Variants in CAST observed in about 807,000 individuals in gnomAD.
CAST encodes calpastatin.
A neutral mutation model predicts 119.6 loss-of-function variants in CAST; 76 were observed. That is an observed-to-expected ratio of 0.64 (90% CI 0.53 to 0.77). CAST has a LOEUF of 0.77. Ranked by LOEUF, CAST falls within the 30% of genes least tolerant of loss-of-function variation. The pLI is 0.00. For synonymous variants in CAST, 319 were observed against 331.6 expected (o/e 0.96, Z 0.41); for missense variants, 953 against 946.5 (o/e 1.01, Z -0.09).
chr5:96,640,640 T>C (rs1747938473), intron 1 of CAST, among the ~76,000 whole-genome samples: 1 of 152,192 alleles, frequency 6.6e-6, no homozygotes. Context: ...GGAGCTGAGC[T>C]GGGATGCAGA....
chr5:96,069,371 G>GTGTGTCTA, the CAST span, among the ~76,000 whole-genome samples: 1 of 111,660 alleles, frequency 9.0e-6, no homozygotes, highest in African/African-American at 3.3e-5. Context: ...GTGTGTGTGT[G>GTGTGTCTA]TGTGTGTGTG....
At chr5:95,979,671 C>G in the CAST span, among the ~76,000 whole-genome samples, 4 of 152,088 alleles carry the variant, frequency 2.6e-5, no homozygotes. Flanking sequence ...TCAATGAGTA[C>G]TTATTGTATG....
the CAST span, among the ~76,000 whole-genome samples, chr5:96,352,519 G>T: frequency 8.5e-5 from 13 of 152,162 alleles, no homozygotes; most frequent in Non-Finnish European, 1.5e-4. Flanking sequence ...GATTCAGTGT[G>T]ATAGGAGATC....
chr5:96,331,995 A>G, the CAST span, among the ~76,000 whole-genome samples: 1 of 152,228 alleles, frequency 6.6e-6, no homozygotes, highest in Non-Finnish European at 1.5e-5. Flanking sequence ...TGCTTCTTCT[A>G]TAAGAGAACT....
the CAST span, among the ~76,000 whole-genome samples, chr5:96,178,330 C>G: frequency 3.9e-5 from 6 of 152,242 alleles, no homozygotes; most frequent in South Asian, 1.0e-3. Context: ...TAACTCTGTT[C>G]TTGGCAGACA....
chr5:96,033,719 A>T, the CAST span, among the ~76,000 whole-genome samples: 1 of 152,158 alleles, frequency 6.6e-6, no homozygotes, highest in African/African-American at 2.4e-5. Flanking sequence ...GAGTTGAAAA[A>T]GCTCCATGAC....
At chr5:96,327,844 A>G in the CAST span, among the ~76,000 whole-genome samples, 1 of 152,002 alleles carries the variant, frequency 6.6e-6, no homozygotes, top group South Asian at 2.1e-4. Context: ...TGAGGATAAC[A>G]CTCACTCTGT....
the CAST span, among the ~76,000 whole-genome samples, chr5:96,182,486 C>T: frequency 1.3e-5 from 2 of 152,188 alleles, no homozygotes; most frequent in African/African-American, 4.8e-5. Context: ...TGTAAAGAAA[C>T]ACCTTTAATC....
At chr5:96,247,112 A>G in the CAST span, among the ~76,000 whole-genome samples, 1 of 152,184 alleles carries the variant, frequency 6.6e-6, no homozygotes, top group African/African-American at 2.4e-5. Flanking sequence ...GTGTGGTGCC[A>G]TAAGCTCTGT....
At chr5:96,425,737 A>AG in the CAST span, 18 of 787,248 alleles carry the variant, frequency 2.3e-5, no homozygotes, top group Non-Finnish European at 3.6e-5. Flanking sequence ...ATAAAAAAAA[A>AG]AAAAAATCCA....
At chr5:96,101,820 G>A in the CAST span, among the ~76,000 whole-genome samples, 2 of 152,150 alleles carry the variant, frequency 1.3e-5, no homozygotes, top group African/African-American at 2.4e-5. Flanking sequence ...GAGTGTGTAA[G>A]CGAGTGAATG....
chr5:96,608,689 G>C (rs552864772), intron 1 of CAST, among the ~76,000 whole-genome samples: 21 of 152,222 alleles, frequency 1.4e-4, no homozygotes, highest in African/African-American at 5.1e-4. Flanking sequence ...CTGAGACTGG[G>C]TAATTAATAA....
intron 1 of CAST, among the ~76,000 whole-genome samples, chr5:96,604,058 C>A (rs1446471336): frequency 1.3e-5 from 2 of 152,182 alleles, no homozygotes; most frequent in Admixed American, 6.5e-5. Context: ...AGCCACCCCA[C>A]CTGGCCCCTT....
At chr5:96,021,646 C>T in the CAST span, among the ~76,000 whole-genome samples, 1 of 152,110 alleles carries the variant, frequency 6.6e-6, no homozygotes, top group African/African-American at 2.4e-5. Context: ...CGGGGTTTCA[C>T]TGTGTTAGCC....
chr5:96,572,093 A>G (rs1300126997), intron 1 of CAST, among the ~76,000 whole-genome samples: 1 of 152,238 alleles, frequency 6.6e-6, no homozygotes, highest in Non-Finnish European at 1.5e-5. Context: ...TGATTGACAG[A>G]TGTAGAAAAT....
intron 1 of CAST, among the ~76,000 whole-genome samples, chr5:96,533,613 G>A (rs1458742640): frequency 6.6e-6 from 1 of 152,144 alleles, no homozygotes; most frequent in Admixed American, 6.5e-5. Context: ...CCACGGCATG[G>A]TGGTACCAAG....
At chr5:96,376,809 A>G in the CAST span, among the ~76,000 whole-genome samples, 1 of 152,166 alleles carries the variant, frequency 6.6e-6, no homozygotes, top group African/African-American at 2.4e-5. Context: ...TAACTGTAAA[A>G]CAGCCTCAGG....
the CAST span, among the ~76,000 whole-genome samples, chr5:96,414,403 G>A: frequency 6.9e-6 from 1 of 145,124 alleles, no homozygotes; most frequent in Non-Finnish European, 1.5e-5. Flanking sequence ...GGAAGGGATA[G>A]TGACTTGCTC....
At chr5:96,289,259 A>G in the CAST span, among the ~76,000 whole-genome samples, 6 of 152,178 alleles carry the variant, frequency 3.9e-5, no homozygotes, top group African/African-American at 1.4e-4. Context: ...TTCAACAAAG[A>G]AGATCACTTT....
Sources: allele counts gnomAD v4.1 joint callset (sites outside exome capture counted in the v4.1 genomes callset), GRCh38; gene constraint gnomAD v4.1.1; transcripts MANE v1.5; gene names NCBI Gene and HGNC (gene_info 2026-07-23, HGNC 2026-07-21).